The following MICAL3 variants were observed in gnomAD, a reference collection of about 807,000 sequenced individuals.
The protein encoded by MICAL3 is [F-actin]-monooxygenase MICAL3.
A neutral mutation model predicts 207.4 loss-of-function variants in MICAL3; 62 were observed. The observed-to-expected ratio is 0.30, with a 90% CI of 0.24 to 0.37. MICAL3 has a LOEUF of 0.37. MICAL3 is among the 10% of genes least tolerant of loss of function. MICAL3 has a pLI of 1.00. For missense variants in MICAL3, 2,368 were observed against 2,635.6 expected, an observed-to-expected ratio of 0.90 and a Z score of 2.22; for synonymous variants, 1,077 against 1,069.3, an observed-to-expected ratio of 1.01 and a Z score of -0.14.
chr22:17,900,585 G>A lies in MICAL3; in HGVS notation c.847+257C>T, dbSNP rs1395706154. On this transcript the variant is annotated intron_variant, in intron 6 of 31. Transcript: ENST00000441493. This position sits in a 1 kb window ranked among gnomAD's most constrained non-coding sequence, Gnocchi z 4.0. ...CCACTGAACTCCAGCCTGGGCAACA[G>A]AGCGAGACCTTGTCTCAAACAAAAA... Among the ~76,000 whole-genome samples, 2 of 152,194 alleles carry A rather than the reference G, an allele frequency of 1.3e-5. No individual in the cohort carries two copies. Among genetic ancestry groups the A allele is most frequent in the African/African-American group, 4.8e-5 (2 of 41,430 alleles).
At position 17,789,213 on chromosome 22, in the gene MICAL3, TGA is replaced by T. The variant is rs2145942100; in HGVS notation, c.*1517_*1518del. Reference sequence around the variant, plus strand: ...GAAGGGCGGGAGTCGCTGATCTGCTTGAGAGGCACCAGCCTGCATCCCAGCAT... The same window carrying T: ...GAAGGGCGGGAGTCGCTGATCTGCTTGAGGCACCAGCCTGCATCCCAGCAT... On this transcript the variant is annotated 3_prime_UTR_variant, in exon 32 of 32. Transcript: ENST00000441493. 6.6e-6 allele frequency: 1 copy of T among 152,308 alleles called. No individual in the cohort carries two copies. The highest frequency in any genetic ancestry group is 2.4e-5 in the African/African-American group (1 of 41,550). The allele number at this position is 152,308 out of a possible 1,614,324, so 9.4% of individuals were successfully genotyped here. A position where few individuals can be genotyped will look rare whatever the true frequency, so the allele number is the denominator to read the frequency against.
intron 1 of MICAL3, among the ~76,000 whole-genome samples, chr22:17,960,241 G>A (rs985267945): frequency 6.2e-5 from 9 of 145,020 alleles, no homozygotes; most frequent in East Asian, 3.9e-4. Context: ...TACGGGCTCC[G>A]TGCTAGGCAG....
chr22:17,951,903 G>C (rs1934367549), intron 1 of MICAL3, among the ~76,000 whole-genome samples: 1 of 152,056 alleles, frequency 6.6e-6, no homozygotes, highest in South Asian at 2.1e-4. Flanking sequence ...CCCCATGTTG[G>C]CCAGGCTGGT....
intron 29 of MICAL3, among the ~76,000 whole-genome samples, chr22:17,800,145 C>T (rs2061923036): frequency 6.6e-6 from 1 of 152,148 alleles, no homozygotes; most frequent in African/African-American, 2.4e-5. Context: ...GTCCCTGCAC[C>T]TCCATCTCAC....
At chr22:17,877,076 A>AGTTATGGAG (rs1928647351) in intron 16 of MICAL3, among the ~76,000 whole-genome samples, 1 of 17,998 alleles carries the variant, frequency 5.6e-5, no homozygotes, top group South Asian at 2.1e-3. Flanking sequence ...AGGTTAGGGA[A>AGTTATGGAG]GTTATGGAGG....
chr22:18,024,201 A>C (rs1283717039), intron 1 of MICAL3, 80 bp downstream of exon 1: 1 of 152,290 alleles, frequency 6.6e-6, no homozygotes, highest in Non-Finnish European at 1.5e-5. Flanking sequence ...TAAATAAATG[A>C]TTCTTAGAAG....
At chr22:17,895,084 T>C (rs1196301785) in intron 10 of MICAL3, among the ~76,000 whole-genome samples, 200 bp downstream of exon 10, 2 of 152,242 alleles carry the variant, frequency 1.3e-5, no homozygotes, top group Admixed American at 1.3e-4. Context: ...CTAAGTCATT[T>C]AACAACTCTA....
chr22:17,898,175 T>A (rs1368673283), intron 7 of MICAL3, among the ~76,000 whole-genome samples: 1 of 152,092 alleles, frequency 6.6e-6, no homozygotes, highest in East Asian at 1.9e-4. Context: ...CCTATCAAAT[T>A]GTGACTGACA....
chr22:18,004,250 T>A (rs1184415647), intron 1 of MICAL3: 1 of 152,014 alleles, frequency 6.6e-6, no homozygotes, highest in South Asian at 2.1e-4. Context: ...TCTGCCCCAA[T>A]ATACATTTCT....
At chr22:17,836,902 C>T (rs1421400721) in intron 20 of MICAL3, among the ~76,000 whole-genome samples, 1 of 152,188 alleles carries the variant, frequency 6.6e-6, no homozygotes, top group African/African-American at 2.4e-5. Flanking sequence ...GCCTCGGCCT[C>T]CAAAAGTGCT....
chr22:17,831,811 T>C (rs1050931053), intron 21 of MICAL3, 43 bp downstream of exon 21: 32 of 1,536,578 alleles, frequency 2.1e-5, no homozygotes, highest in Non-Finnish European at 1.1e-5. Flanking sequence ...ACAGATCACT[T>C]TGGGGGGCAG....
At chr22:17,865,790 T>C (rs2146143843) in intron 18 of MICAL3, 134 bp downstream of exon 18, 1 of 713,826 alleles carries the variant, frequency 1.4e-6, no homozygotes, top group East Asian at 2.6e-5. Flanking sequence ...GGACTGCCAC[T>C]GCATTTCGGG....
intron 1 of MICAL3, among the ~76,000 whole-genome samples, chr22:17,995,754 C>T (rs949521281): frequency 3.3e-5 from 5 of 151,908 alleles, no homozygotes; most frequent in African/African-American, 9.7e-5. Flanking sequence ...GGTGATCTGC[C>T]CACCTCGGCC....
In MICAL3 at chr22:17,800,707, C is replaced by T. The variant is rs116563961; in HGVS notation, c.5650+8137G>A. 4.7e-3 allele frequency among the ~76,000 whole-genome samples: 709 copies of T among 152,088 alleles called. 2 individuals are homozygous for T. Among genetic ancestry groups the T allele is most frequent in the African/African-American group, 0.016 (674 of 41,448 alleles). Reference sequence around the variant, plus strand: ...TGCTCTGCCCATGGGAGAAATGAGACGGGTGCTATGGCACAGAAATGGGGC... The same window carrying T: ...TGCTCTGCCCATGGGAGAAATGAGATGGGTGCTATGGCACAGAAATGGGGC... On this transcript the variant is annotated intron_variant, in intron 29 of 31. Transcript: ENST00000441493.
rs1010444670 is a variant in MICAL3 at position 17,900,346 on chromosome 22, C to T, written c.847+496G>A. 7.9e-5 allele frequency among the ~76,000 whole-genome samples: 12 copies of T among 152,194 alleles called. No homozygotes were observed. Among genetic ancestry groups the T allele is most frequent in the African/African-American group, 2.4e-4 (10 of 41,436 alleles). On this transcript the variant is annotated intron_variant, in intron 6 of 31. Coordinates refer to ENST00000441493, the MANE Select transcript of MICAL3 (RefSeq NM_015241.3). The surrounding 1 kb of genome is among the most constrained non-coding windows in gnomAD (Gnocchi z 4.0). ...ACCTCAGGCTGGGTGTGGTGGCTCA[C>T]GCTTGTAATCCTAGCACTTTGGGAG...
intron 1 of MICAL3, among the ~76,000 whole-genome samples, chr22:17,956,673 C>T (rs1934630986): frequency 1.3e-5 from 2 of 152,266 alleles, no homozygotes; most frequent in East Asian, 1.9e-4. Context: ...ACTGCGACTA[C>T]GACTTAGCTC....
chr22:17,993,959 T>C (rs1431965577), intron 1 of MICAL3, among the ~76,000 whole-genome samples: 3 of 152,296 alleles, frequency 2.0e-5, no homozygotes, highest in African/African-American at 7.2e-5. Context: ...CCACTTGTTT[T>C]AGCCCTCTGT....
At chr22:17,983,126 G>T in intron 1 of MICAL3, 1 of 152,350 alleles carries the variant, frequency 6.6e-6, no homozygotes, top group Non-Finnish European at 1.5e-5. Flanking sequence ...TTGTTGCCCA[G>T]GTTGGTCTCT....
Position 17,997,947 on chromosome 22 carries a change from A to T in MICAL3, c.-75+26334T>A, listed in dbSNP as rs548573079. Reference sequence around the variant, plus strand: ...CGCTTCCAAAAAAAAAAAAGAAAAGAAAAAAGAAAAAGATGTGTGGATTTT... The same window carrying T: ...CGCTTCCAAAAAAAAAAAAGAAAAGTAAAAAGAAAAAGATGTGTGGATTTT... On this transcript the variant is annotated intron_variant, in intron 1 of 31. Coordinates refer to ENST00000441493, the MANE Select transcript of MICAL3 (RefSeq NM_015241.3). 5.9e-5 allele frequency among the ~76,000 whole-genome samples: 9 copies of T among 152,096 alleles called. No homozygotes were observed. The South Asian group carries it at 8.3e-4, about 14-fold the overall frequency.
Sources: allele counts gnomAD v4.1 joint callset (sites outside exome capture counted in the v4.1 genomes callset), GRCh38; gene constraint gnomAD v4.1.1; non-coding constraint Gnocchi (gnomAD v3.1); transcripts MANE v1.5; gene names NCBI Gene and HGNC (gene_info 2026-07-23, HGNC 2026-07-21).